TSNARE1: variants seen among roughly 807,000 people sequenced by gnomAD.
TSNARE1 encodes the protein t-SNARE domain containing 1.
Under a neutral mutation model 62.0 loss-of-function variants are expected in TSNARE1, and 49 were observed. That is an observed-to-expected ratio of 0.79 (90% CI 0.63 to 1.00). The LOEUF (loss-of-function observed/expected upper bound fraction) is 1.00, where lower values mean the gene tolerates loss of function less well. Among genes scored for constraint, TSNARE1 ranks in the 50% least tolerant of loss-of-function variants. TSNARE1 has a pLI of 0.00. For missense variants in TSNARE1, 755 were observed against 700.1 expected (o/e 1.08, Z -0.88); for synonymous variants, 328 against 294.4 (o/e 1.11, Z -1.17).
intron 4 of TSNARE1, among the ~76,000 whole-genome samples, chr8:142,334,590 A>T (rs1831501982): frequency 6.6e-6 from 1 of 152,202 alleles, no homozygotes; most frequent in Non-Finnish European, 1.5e-5. Flanking sequence ...TCGGAGATTC[A>T]AAAATTTCAC....
intron 4 of TSNARE1, among the ~76,000 whole-genome samples, chr8:142,337,868 C>A (rs992933868): frequency 6.6e-6 from 1 of 152,196 alleles, no homozygotes; most frequent in African/African-American, 2.4e-5. Context: ...GGTCCGGGAA[C>A]CCTCAGAGGG....
intron 4 of TSNARE1, among the ~76,000 whole-genome samples, chr8:142,335,229 G>A (rs1460365941): frequency 6.6e-6 from 1 of 152,028 alleles, no homozygotes. Context: ...TGTTATAAAT[G>A]ACATGTGATC....
chr8:142,272,900 C>G (rs1819837102), intron 12 of TSNARE1: 2 of 984,942 alleles, frequency 2.0e-6, no homozygotes, highest in Non-Finnish European at 2.4e-6. Flanking sequence ...GAAGGCCCCT[C>G]GCAGGCAGGT....
intron 1 of TSNARE1, among the ~76,000 whole-genome samples, chr8:142,360,778 G>T (rs1354539590): frequency 3.9e-5 from 6 of 152,128 alleles, no homozygotes; most frequent in Non-Finnish European, 8.8e-5. Flanking sequence ...AAGCGCCCCG[G>T]CCCAGGAGGA....
intron 1 of TSNARE1, among the ~76,000 whole-genome samples, chr8:142,401,284 C>A (rs1478504973): frequency 1.3e-5 from 2 of 152,092 alleles, no homozygotes; most frequent in East Asian, 3.9e-4. Context: ...ACAAGGGTGA[C>A]ACAGCAGAGG....
At chr8:142,275,973 C>T in intron 11 of TSNARE1, 1 of 985,442 alleles carries the variant, frequency 1.0e-6, no homozygotes, top group Non-Finnish European at 1.2e-6. Flanking sequence ...GCCCCCTGGG[C>T]AGGAGGTGGA....
At chr8:142,384,288 T>C (rs945121544) in intron 1 of TSNARE1, among the ~76,000 whole-genome samples, 1 of 152,108 alleles carries the variant, frequency 6.6e-6, no homozygotes, top group Non-Finnish European at 1.5e-5. Flanking sequence ...CCTGCCTCTC[T>C]GAGAAGGAAG....
intron 1 of TSNARE1, among the ~76,000 whole-genome samples, chr8:142,387,841 CA>C (rs1182435378): frequency 6.6e-6 from 1 of 152,142 alleles, no homozygotes; most frequent in Non-Finnish European, 1.5e-5. Flanking sequence ...AGAGACCAGG[CA>C]ATTCAGTGCT....
At chr8:142,403,956 G>A (rs924164084), upstream of TSNARE1, 3 of 152,238 alleles carry the variant, frequency 2.0e-5, no homozygotes, top group African/African-American at 7.2e-5. Context: ...CGGACAATGG[G>A]TGTGTGTCCT....
At chr8:142,256,353 CATTAT>C (rs1563782770) in intron 12 of TSNARE1, among the ~76,000 whole-genome samples, 14 of 145,710 alleles carry the variant, frequency 9.6e-5, no homozygotes, top group South Asian at 2.2e-4. Flanking sequence ...TCATCACCAT[CATTAT>C]CACCACCATC....
chr8:142,405,639 G>T (rs1263322134), upstream of TSNARE1: 1 of 152,208 alleles, frequency 6.6e-6, no homozygotes, highest in Non-Finnish European at 1.5e-5. Context: ...CAGGGTTTAA[G>T]CTGAATTTCC....
intron 11 of TSNARE1, among the ~76,000 whole-genome samples, chr8:142,281,842 C>T (rs923629692): frequency 5.3e-5 from 8 of 152,036 alleles, no homozygotes; most frequent in Admixed American, 1.3e-4. Flanking sequence ...GTTTCCTGAA[C>T]GGAGCCTCCA....
At chr8:142,299,260 G>C (rs1825272512) in intron 10 of TSNARE1, among the ~76,000 whole-genome samples, 1 of 152,252 alleles carries the variant, frequency 6.6e-6, no homozygotes, top group African/African-American at 2.4e-5. Context: ...CAGCACTGTG[G>C]GGTATTCCCT....
chr8:142,280,636 C>T (rs1224113424), intron 11 of TSNARE1, among the ~76,000 whole-genome samples: 1 of 152,188 alleles, frequency 6.6e-6, no homozygotes, highest in Non-Finnish European at 1.5e-5. Flanking sequence ...GAGTGCCCCT[C>T]GTGATCAGTC....
At chr8:142,227,481 GCCC>G (rs1285223585) in intron 13 of TSNARE1, among the ~76,000 whole-genome samples, 1 of 151,308 alleles carries the variant, frequency 6.6e-6, no homozygotes, top group East Asian at 1.9e-4. Flanking sequence ...TGGCAGCCAG[GCCC>G]CCATTCCTGC....
intron 2 of TSNARE1, among the ~76,000 whole-genome samples, chr8:142,351,914 C>T (rs1311677547): frequency 6.6e-6 from 1 of 152,100 alleles, no homozygotes; most frequent in Non-Finnish European, 1.5e-5. Flanking sequence ...ACACCGTAAA[C>T]AAAAATCAAA....
At chr8:142,292,779 A>G (rs1824018778) in intron 10 of TSNARE1, among the ~76,000 whole-genome samples, 1 of 152,140 alleles carries the variant, frequency 6.6e-6, no homozygotes, top group Non-Finnish European at 1.5e-5. Context: ...AGGCTGCACC[A>G]GACCCACCAA....
intron 12 of TSNARE1, among the ~76,000 whole-genome samples, chr8:142,239,261 TCCTTTCTGCAGAAGAAGG>T (rs1325325607): frequency 6.6e-6 from 1 of 152,150 alleles, no homozygotes; most frequent in Non-Finnish European, 1.5e-5. Flanking sequence ...CAGACACCCC[TCCTTTCTGCAGAAGAAGG>T]TGGCCGGGGG....
intron 12 of TSNARE1, among the ~76,000 whole-genome samples, chr8:142,235,590 T>C (rs938758874): frequency 1.3e-5 from 2 of 152,112 alleles, no homozygotes; most frequent in African/African-American, 4.8e-5. Context: ...GTGGAACGGA[T>C]TGTTTCTTAA....
Sources: allele counts gnomAD v4.1 joint callset (sites outside exome capture counted in the v4.1 genomes callset), GRCh38; gene constraint gnomAD v4.1.1; transcripts MANE v1.5; gene names NCBI Gene and HGNC (gene_info 2026-07-23, HGNC 2026-07-21).